Variants in C1QTNF3 observed in about 807,000 individuals in gnomAD.
C1QTNF3 encodes the protein complement C1q tumor necrosis factor-related protein 3.
A neutral mutation model predicts 32.6 loss-of-function variants in C1QTNF3; 26 were observed. The observed-to-expected ratio is 0.80, with a 90% confidence interval of 0.58 to 1.11. C1QTNF3 has a LOEUF of 1.11. Among genes scored for constraint, C1QTNF3 ranks in the 50% least tolerant of loss-of-function variants. The pLI, the probability that C1QTNF3 is intolerant of heterozygous loss-of-function variation, is 0.00. For missense variants in C1QTNF3, 362 were observed against 398.2 expected, an observed-to-expected ratio of 0.91 and a Z score of 0.77; for synonymous variants, 155 against 146.0, an observed-to-expected ratio of 1.06 and a Z score of -0.44.
At chr5:34,136,242 T>C in the C1QTNF3 span, among the ~76,000 whole-genome samples, 1 of 152,270 alleles carries the variant, frequency 6.6e-6, no homozygotes, top group Non-Finnish European at 1.5e-5. Context: ...ATTTTTGCAA[T>C]CTACCCATCT....
At position 34,043,182 on chromosome 5, in the gene C1QTNF3, G is replaced by A; in HGVS notation, c.-57C>T. 1 of 1,542,664 alleles carries A rather than the reference G, an allele frequency of 6.5e-7. No individual in the cohort carries two copies. The highest frequency in any genetic ancestry group is 8.7e-7 in the Non-Finnish European group (1 of 1,144,540). On this transcript the variant is annotated 5_prime_UTR_variant, in exon 1 of 6. Transcript: ENST00000382065. The stretch of plus-strand genomic sequence containing the variant: ...GAAGACAGCAGAGCTCCAGGAGCGT[G>A]GTCTCCTCGGGCAGATGCCAGGACT...
At chr5:34,103,257 T>A in the C1QTNF3 span, among the ~76,000 whole-genome samples, 1 of 152,274 alleles carries the variant, frequency 6.6e-6, no homozygotes, top group African/African-American at 2.4e-5. Flanking sequence ...ATAATGAACT[T>A]TTAATTTTTA....
the C1QTNF3 span, among the ~76,000 whole-genome samples, chr5:34,085,046 A>G: frequency 7.7e-6 from 1 of 129,686 alleles, no homozygotes; most frequent in African/African-American, 3.1e-5. Flanking sequence ...GCTGGAGTAC[A>G]GTGGTGCAAT....
the C1QTNF3 span, among the ~76,000 whole-genome samples, chr5:34,229,592 C>T: frequency 1.3e-5 from 2 of 152,112 alleles, no homozygotes; most frequent in Non-Finnish European, 2.9e-5. Flanking sequence ...GAGAGACTAT[C>T]ATAGATTTTA....
chr5:34,205,229 T>C, the C1QTNF3 span, among the ~76,000 whole-genome samples: 1 of 151,960 alleles, frequency 6.6e-6, no homozygotes, highest in Non-Finnish European at 1.5e-5. Flanking sequence ...ATTTTTATTG[T>C]TGGAGTGGGG....
the C1QTNF3 span, among the ~76,000 whole-genome samples, chr5:34,161,452 G>GT: frequency 6.6e-6 from 1 of 152,050 alleles, no homozygotes; most frequent in Non-Finnish European, 1.5e-5. Flanking sequence ...TTCAAAAACT[G>GT]TATATATAAA....
chr5:34,225,715 C>T, the C1QTNF3 span, among the ~76,000 whole-genome samples: 1 of 151,820 alleles, frequency 6.6e-6, no homozygotes. Context: ...TTGGGTCTTC[C>T]TTCAATCTTA....
chr5:34,145,845 T>C, the C1QTNF3 span, among the ~76,000 whole-genome samples: 3 of 152,056 alleles, frequency 2.0e-5, no homozygotes, highest in African/African-American at 4.8e-5. Context: ...CAAAGTTGTT[T>C]CAACCCGTAC....
upstream of C1QTNF3, among the ~76,000 whole-genome samples, chr5:34,044,063 C>T (rs1319090115): frequency 6.6e-6 from 1 of 152,080 alleles, no homozygotes; most frequent in African/African-American, 2.4e-5. Context: ...CTTAGTGAGA[C>T]CCTGTCTCTA....
the C1QTNF3 span, among the ~76,000 whole-genome samples, chr5:34,176,578 C>G: frequency 6.6e-6 from 1 of 152,130 alleles, no homozygotes; most frequent in Non-Finnish European, 1.5e-5. Context: ...CTGAACTACA[C>G]TAGAAGGAAA....
the C1QTNF3 span, chr5:34,158,535 T>C: frequency 6.6e-6 from 1 of 152,222 alleles, no homozygotes; most frequent in African/African-American, 2.4e-5. Context: ...AAGTTTCTTG[T>C]AAAGTGATTT....
At position 34,032,014 on chromosome 5, in the gene C1QTNF3, T is replaced by A. The variant is rs191713884; in HGVS notation, c.570+1290A>T. Among the ~76,000 whole-genome samples the A allele has an allele frequency of 9.1e-4, 138 of 152,350 alleles. 3 individuals carry two copies. The highest frequency in any genetic ancestry group is 2.9e-3 in the Admixed American group (44 of 15,308). On this transcript the variant is annotated intron_variant, in intron 3 of 5. Transcript: ENST00000382065. ...CCCTAATTGATCTTTCAGGCAAGAATCGCTTTATAGTCTAGTTCTTCAAAA... is the reference window on the plus strand; with the variant it reads ...CCCTAATTGATCTTTCAGGCAAGAAACGCTTTATAGTCTAGTTCTTCAAAA...
chr5:34,034,584 AC>A (rs1343635668), intron 2 of C1QTNF3, among the ~76,000 whole-genome samples: 2 of 152,210 alleles, frequency 1.3e-5, no homozygotes, highest in African/African-American at 4.8e-5. Flanking sequence ...TGGTTATCAT[AC>A]CAGGCTTACA....
At chr5:34,195,773 G>A in the C1QTNF3 span, among the ~76,000 whole-genome samples, 2 of 152,132 alleles carry the variant, frequency 1.3e-5, no homozygotes, top group African/African-American at 2.4e-5. Context: ...CCAGGAGGCG[G>A]AGCTTGTAGA....
chr5:34,091,373 A>G, the C1QTNF3 span, among the ~76,000 whole-genome samples: 13 of 152,154 alleles, frequency 8.5e-5, no homozygotes, highest in Non-Finnish European at 1.9e-4. Flanking sequence ...TTTATTTTTC[A>G]TTGTTTTGTT....
the C1QTNF3 span, chr5:34,200,581 G>C: frequency 6.6e-6 from 1 of 152,036 alleles, no homozygotes; most frequent in Non-Finnish European, 1.5e-5. Context: ...TATAAATGAA[G>C]AGTTACATTT....
chr5:34,224,227 C>A, the C1QTNF3 span, among the ~76,000 whole-genome samples: 1 of 152,108 alleles, frequency 6.6e-6, no homozygotes, highest in African/African-American at 2.4e-5. Context: ...CCATACTGCC[C>A]AAGGTAATTT....
At chr5:34,219,979 T>A in the C1QTNF3 span, 1 of 152,064 alleles carries the variant, frequency 6.6e-6, no homozygotes, top group Non-Finnish European at 1.5e-5. Flanking sequence ...AACAAAAAAA[T>A]ATTATTGCAC....
the C1QTNF3 span, among the ~76,000 whole-genome samples, chr5:34,139,030 C>T: frequency 1.3e-5 from 2 of 151,774 alleles, no homozygotes; most frequent in African/African-American, 4.8e-5. Context: ...GAAGGGTTAG[C>T]CTGAAGGAGG....
Sources: gnomAD v4.1 joint callset for allele counts (sites outside exome capture counted in the v4.1 genomes callset) on GRCh38, gnomAD v4.1.1 for gene constraint, MANE v1.5 for transcripts, NCBI Gene and HGNC (gene_info 2026-07-23, HGNC 2026-07-21) for gene names.